HS6ST3: variants seen among roughly 807,000 people sequenced by gnomAD.
HS6ST3 encodes the protein heparan-sulfate 6-O-sulfotransferase 3.
HS6ST3 carries 12 observed loss-of-function variants against 36.7 expected under a neutral mutation model. The ratio of observed to expected loss-of-function variants is 0.33; its 90% CI spans 0.21 to 0.53. The LOEUF (loss-of-function observed/expected upper bound fraction) is 0.53, where lower values mean the gene tolerates loss of function less well. Ranked by LOEUF, HS6ST3 falls within the 20% of genes least tolerant of loss-of-function variation. The probability of loss-of-function intolerance (pLI) is 0.95; values close to 1 mark genes in which losing one functional copy is unlikely to be tolerated. For synonymous variants in HS6ST3, 240 were observed against 257.5 expected (o/e 0.93, Z 0.65); for missense variants, 584 against 640.9 (o/e 0.91, Z 0.96).
Position 96,492,145 on chromosome 13 carries a change from AG to A in HS6ST3, c.708-340344del, listed in dbSNP as rs142954474. Among the ~76,000 whole-genome samples, 46 of 152,286 alleles carry A rather than the reference AG, an allele frequency of 3.0e-4. 1 individual carries two copies. In the East Asian group the frequency reaches 8.1e-3, roughly 27 times the overall value. On this transcript the variant is annotated intron_variant, in intron 1 of 1. Coordinates refer to ENST00000376705, the MANE Select transcript of HS6ST3 (RefSeq NM_153456.4). ...TGCTTTTGTTGTGCCAGGTACTATG[AG>A]CGTGTCTCACAGTTCATAGATGCTG...
At chr13:96,485,519 G>C (rs1269359242) in intron 1 of HS6ST3, among the ~76,000 whole-genome samples, 1 of 152,102 alleles carries the variant, frequency 6.6e-6, no homozygotes, top group East Asian at 1.9e-4. Context: ...ATAATCATCT[G>C]TGAACTAAAG....
intron 1 of HS6ST3, among the ~76,000 whole-genome samples, chr13:96,395,482 C>G (rs1178223051): frequency 6.6e-6 from 1 of 152,204 alleles, no homozygotes; most frequent in Non-Finnish European, 1.5e-5. Flanking sequence ...CCTGCTCTCT[C>G]TCTCATCCCA....
At chr13:96,767,036 C>G (rs1877134700) in intron 1 of HS6ST3, among the ~76,000 whole-genome samples, 3 of 152,126 alleles carry the variant, frequency 2.0e-5, no homozygotes. Flanking sequence ...TCATCAAAGG[C>G]TTTGAGATAG....
chr13:96,473,536 C>G (rs1181118394), intron 1 of HS6ST3, among the ~76,000 whole-genome samples: 2 of 152,202 alleles, frequency 1.3e-5, no homozygotes, highest in Admixed American at 6.5e-5. Context: ...GCATCGCTAC[C>G]TCTTCTGGGG....
chr13:96,586,421 G>C (rs2056361423), intron 1 of HS6ST3, among the ~76,000 whole-genome samples: 1 of 151,740 alleles, frequency 6.6e-6, no homozygotes, highest in South Asian at 2.1e-4. Context: ...TCAGCCTCCC[G>C]AGTAGCTGGG....
rs141810143 is a variant in HS6ST3, at chr13:96,497,128, C to T, written c.708-335362C>T. 5.0e-3 allele frequency among the ~76,000 whole-genome samples: 755 copies of T among 152,026 alleles called. 12 individuals are homozygous for T. Among genetic ancestry groups the T allele is most frequent in the African/African-American group, 0.017 (696 of 41,422 alleles). On this transcript the variant is annotated intron_variant, in intron 1 of 1. Transcript: ENST00000376705. ...TGGGCACCGGGGGAAGATCTCTAGT[C>T]GAAATGAAAACATGGAGAATGAATC...
At position 96,301,072 on chromosome 13, in the gene HS6ST3, A is replaced by G. The variant is rs148169849; in HGVS notation, c.707+209503A>G. 8.5e-4 allele frequency among the ~76,000 whole-genome samples: 129 copies of G among 152,286 alleles called. 1 individual carries two copies. Among genetic ancestry groups the G allele is most frequent in the African/African-American group, 2.9e-3 (121 of 41,570 alleles). On this transcript the variant is annotated intron_variant, in intron 1 of 1. Coordinates refer to ENST00000376705, the MANE Select transcript of HS6ST3 (RefSeq NM_153456.4). ...CTTTAACTATTATGCTGCACAAGAG[A>G]TGTATGCTGAGTTAGTCCCTGTGCA...
chr13:96,430,233 A>G (rs1334510484), intron 1 of HS6ST3, among the ~76,000 whole-genome samples: 1 of 152,082 alleles, frequency 6.6e-6, no homozygotes, highest in Non-Finnish European at 1.5e-5. Flanking sequence ...GCTTCATTGG[A>G]GTTATTTATT....
At chr13:96,274,564 C>T (rs1279101378) in intron 1 of HS6ST3, among the ~76,000 whole-genome samples, 4 of 152,122 alleles carry the variant, frequency 2.6e-5, no homozygotes, top group Non-Finnish European at 4.4e-5. Flanking sequence ...ACATGTATAA[C>T]ATTCTTTCCT....
At chr13:96,691,038 A>G (rs1254067120) in intron 1 of HS6ST3, among the ~76,000 whole-genome samples, 3 of 152,156 alleles carry the variant, frequency 2.0e-5, no homozygotes, top group Non-Finnish European at 2.9e-5. Context: ...CTATGTCTGC[A>G]CAATGGCAAA....
chr13:96,185,474 A>G (rs2054260777), intron 1 of HS6ST3, among the ~76,000 whole-genome samples: 1 of 152,202 alleles, frequency 6.6e-6, no homozygotes, highest in Admixed American at 6.5e-5. Context: ...CATTGGCTGC[A>G]CACTTGTTAT....
intron 1 of HS6ST3, among the ~76,000 whole-genome samples, chr13:96,488,063 G>A (rs1224185555): frequency 6.6e-6 from 1 of 152,082 alleles, no homozygotes; most frequent in East Asian, 1.9e-4. Context: ...TGTATAGAAT[G>A]TTTTTCTTTG....
At chr13:96,606,096 G>A (rs2056437745) in intron 1 of HS6ST3, among the ~76,000 whole-genome samples, 1 of 152,138 alleles carries the variant, frequency 6.6e-6, no homozygotes, top group South Asian at 2.1e-4. Flanking sequence ...AGGCCATGAA[G>A]AAAAGGGGAC....
At chr13:96,368,451 C>T (rs912690) in intron 1 of HS6ST3, among the ~76,000 whole-genome samples, 4 of 151,406 alleles carry the variant, frequency 2.6e-5, no homozygotes, top group African/African-American at 7.3e-5. Flanking sequence ...AAGGACTTCT[C>T]ACATCATAAG....
chr13:96,768,693 T>C lies in HS6ST3; in HGVS notation c.708-63797T>C, dbSNP rs191957135. Among the ~76,000 whole-genome samples the C allele has an allele frequency of 4.6e-5, 7 of 152,104 alleles. No homozygotes were observed. In the East Asian group the frequency reaches 1.4e-3, roughly 30 times the overall value. ...AGCGTGCCCTTCATAGAAAGCAATATCCAAACTCTTCAGTTAGCATGCAAA... is the reference window on the plus strand; with the variant it reads ...AGCGTGCCCTTCATAGAAAGCAATACCCAAACTCTTCAGTTAGCATGCAAA... On this transcript the variant is annotated intron_variant, in intron 1 of 1. Coordinates refer to ENST00000376705, the MANE Select transcript of HS6ST3 (RefSeq NM_153456.4).
At chr13:96,118,727 G>A (rs1260595879) in intron 1 of HS6ST3, among the ~76,000 whole-genome samples, 1 of 92,884 alleles carries the variant, frequency 1.1e-5, no homozygotes, top group Non-Finnish European at 1.9e-5. Flanking sequence ...TTTTTGAGAC[G>A]GAGTCTCGCT....
chr13:96,820,348 A>T (rs1012400088), intron 1 of HS6ST3, among the ~76,000 whole-genome samples: 3 of 152,214 alleles, frequency 2.0e-5, no homozygotes, highest in Non-Finnish European at 4.4e-5. Flanking sequence ...TGGACAGTTT[A>T]TGAGGCTCTA....
At chr13:96,645,187 A>G (rs890886843) in intron 1 of HS6ST3, among the ~76,000 whole-genome samples, 1 of 151,938 alleles carries the variant, frequency 6.6e-6, no homozygotes, top group Non-Finnish European at 1.5e-5. Flanking sequence ...TTGCAAAGAT[A>G]GAAAGTTTAG....
intron 1 of HS6ST3, among the ~76,000 whole-genome samples, chr13:96,522,221 G>A (rs1269542962): frequency 6.6e-6 from 1 of 152,154 alleles, no homozygotes; most frequent in Non-Finnish European, 1.5e-5. Flanking sequence ...GAGACAGTTT[G>A]TTGTGATTTC....
Sources: allele counts gnomAD v4.1 joint callset (sites outside exome capture counted in the v4.1 genomes callset), GRCh38; gene constraint gnomAD v4.1.1; transcripts MANE v1.5; gene names NCBI Gene and HGNC (gene_info 2026-07-23, HGNC 2026-07-21).